The following CDK8 variants were observed in gnomAD, a reference collection of about 807,000 sequenced individuals.
The protein encoded by CDK8 is cyclin-dependent kinase 8.
CDK8 carries 29 observed loss-of-function variants against 71.5 expected under a neutral mutation model. That is an observed-to-expected ratio of 0.41 (90% confidence interval 0.30 to 0.55). The LOEUF is 0.55. CDK8 is among the 20% of genes least tolerant of loss of function. The probability of loss-of-function intolerance (pLI) is 0.37; values close to 1 mark genes in which losing one functional copy is unlikely to be tolerated. For missense variants in CDK8, 288 were observed against 572.6 expected, an observed-to-expected ratio of 0.50 and a Z score of 5.07; for synonymous variants, 161 against 192.1, an observed-to-expected ratio of 0.84 and a Z score of 1.34.
intron 1 of CDK8, among the ~76,000 whole-genome samples, chr13:26,268,003 G>C (rs7338159): frequency 0.17 from 25,720 of 152,064 alleles, 3,799 homozygotes; most frequent in African/African-American, 0.41. Flanking sequence ...AACCCTAGCA[G>C]ATCACTGCAA....
At chr13:26,256,654 G>A (rs937769224) in intron 1 of CDK8, among the ~76,000 whole-genome samples, 7 of 152,208 alleles carry the variant, frequency 4.6e-5, no homozygotes, top group African/African-American at 1.4e-4. Flanking sequence ...AATTTAGGCC[G>A]TTAAGAATAA....
chr13:26,290,756 C>G (rs966229727), intron 1 of CDK8, among the ~76,000 whole-genome samples: 6 of 152,076 alleles, frequency 3.9e-5, no homozygotes, highest in African/African-American at 1.4e-4. Context: ...TATTTAGTGT[C>G]ATGATCAGGC....
At position 26,254,390 on chromosome 13, in the gene CDK8, C is replaced by A; in HGVS notation, c.-252C>A. ...CTCCCCACCCCCAGCCCTCGTCCCT[C>A]GGCTCTCCTTCGCCGGGGGATCCTC... On this transcript the variant is annotated 5_prime_UTR_variant, in exon 1 of 13. Transcript: ENST00000381527. The surrounding 1 kb of genome is among the most constrained non-coding windows in gnomAD (Gnocchi z 6.7). 1 of 361,992 alleles carries A rather than the reference C, an allele frequency of 2.8e-6. No individual in the cohort carries two copies. The allele number at this position is 361,992 out of a possible 1,614,324, so 22.4% of individuals were successfully genotyped here. A position where few individuals can be genotyped will look rare whatever the true frequency, so the allele number is the denominator to read the frequency against.
chr13:26,257,215 T>C (rs1593220207), intron 1 of CDK8, among the ~76,000 whole-genome samples: 1 of 152,328 alleles, frequency 6.6e-6, no homozygotes, highest in East Asian at 1.9e-4. Context: ...AGATTTTCTA[T>C]AAAAGGAAGT....
chr13:26,297,260 G>A, intron 1 of CDK8, among the ~76,000 whole-genome samples: 1 of 152,152 alleles, frequency 6.6e-6, no homozygotes, highest in East Asian at 1.9e-4. Context: ...CAGGCATTGG[G>A]CTCATACAAA....
chr13:26,403,286 A>G (rs1876348608), intron 12 of CDK8, among the ~76,000 whole-genome samples: 1 of 152,116 alleles, frequency 6.6e-6, no homozygotes, highest in Admixed American at 6.5e-5. Context: ...GAGGGGAAGG[A>G]TCACTTGAGG....
At chr13:26,313,180 G>A (rs548693911) in intron 1 of CDK8, among the ~76,000 whole-genome samples, 4 of 152,126 alleles carry the variant, frequency 2.6e-5, no homozygotes, top group Non-Finnish European at 4.4e-5. Context: ...TAAAGGCAAG[G>A]GCTTGGTAGA....
At chr13:26,343,161 CATT>C (rs1192938261) in intron 2 of CDK8, among the ~76,000 whole-genome samples, 1 of 152,144 alleles carries the variant, frequency 6.6e-6, no homozygotes, top group Non-Finnish European at 1.5e-5. Context: ...TGAAAAAATG[CATT>C]ATTAGGCGAT....
At chr13:26,388,541 C>G (rs1295813286) in intron 6 of CDK8, among the ~76,000 whole-genome samples, 2 of 151,982 alleles carry the variant, frequency 1.3e-5, no homozygotes, top group Non-Finnish European at 2.9e-5. Context: ...AAAGTGATTG[C>G]CTAATCTTAT....
intron 1 of CDK8, among the ~76,000 whole-genome samples, chr13:26,329,460 C>T (rs1219500315): frequency 6.8e-6 from 1 of 147,744 alleles, no homozygotes; most frequent in African/African-American, 2.5e-5. Context: ...TCTTACCTTG[C>T]CTATTTCTGT....
chr13:26,273,637 CAT>C (rs1183537969), intron 1 of CDK8, among the ~76,000 whole-genome samples: 2 of 151,764 alleles, frequency 1.3e-5, no homozygotes, highest in South Asian at 2.1e-4. Context: ...CATTAGCCAT[CAT>C]ATGTTATTTC....
intron 1 of CDK8, among the ~76,000 whole-genome samples, chr13:26,312,008 C>T (rs1210708300): frequency 2.0e-5 from 3 of 152,168 alleles, no homozygotes; most frequent in Non-Finnish European, 4.4e-5. Flanking sequence ...TTGTCACTGC[C>T]TTGTGAAGGT....
At chr13:26,363,342 G>A (rs375179925) in intron 4 of CDK8, among the ~76,000 whole-genome samples, 3,675 of 48,612 alleles carry the variant, frequency 0.076, 81 homozygotes, top group East Asian at 0.11. Context: ...AAAAAAAAAA[G>A]AAATTTGGAG....
At chr13:26,362,730 C>G (rs1331305578) in intron 4 of CDK8, among the ~76,000 whole-genome samples, 2 of 152,144 alleles carry the variant, frequency 1.3e-5, no homozygotes, top group African/African-American at 4.8e-5. Context: ...AGAAATAATG[C>G]TTTGCCAGCT....
chr13:26,301,629 T>G (rs953601762), intron 1 of CDK8, among the ~76,000 whole-genome samples: 1 of 152,198 alleles, frequency 6.6e-6, no homozygotes, highest in Non-Finnish European at 1.5e-5. Flanking sequence ...TTAGTATCAA[T>G]GTAGATTCTG....
At chr13:26,398,123 A>G (rs1876078959) in intron 9 of CDK8, among the ~76,000 whole-genome samples, 1 of 151,978 alleles carries the variant, frequency 6.6e-6, no homozygotes, top group Non-Finnish European at 1.5e-5. Context: ...TCTACTTACT[A>G]TTATATCAGT....
At chr13:26,289,051 G>GTTTTTTTTTTTTTTTTTTTTTT (rs5802371) in intron 1 of CDK8, among the ~76,000 whole-genome samples, 1 of 56,230 alleles carries the variant, frequency 1.8e-5, no homozygotes, top group Non-Finnish European at 3.4e-5. Flanking sequence ...AGCTTCTGTA[G>GTTTTTTTTTTTTTTTTTTTTTT]TTTTTTTTTT....
chr13:26,256,248 T>C (rs1871518829), intron 1 of CDK8, among the ~76,000 whole-genome samples: 1 of 152,224 alleles, frequency 6.6e-6, no homozygotes, highest in African/African-American at 2.4e-5. Context: ...GACTCTGTTG[T>C]TGTCTAATTA....
intron 1 of CDK8, 126 bp from the exon 2 acceptor site, chr13:26,337,441 T>C (rs747747214): frequency 1.5e-4 from 50 of 344,214 alleles, no homozygotes; most frequent in Non-Finnish European, 2.4e-4. Flanking sequence ...TGTACGACAT[T>C]GTATGATTAT....
Sources: allele counts gnomAD v4.1 joint callset (sites outside exome capture counted in the v4.1 genomes callset), GRCh38; gene constraint gnomAD v4.1.1; non-coding constraint Gnocchi (gnomAD v3.1); transcripts MANE v1.5; gene names NCBI Gene and HGNC (gene_info 2026-07-23, HGNC 2026-07-21).